Variants in CACNA1C observed in about 807,000 individuals in gnomAD.
The protein encoded by CACNA1C is voltage-dependent L-type calcium channel subunit alpha-1C.
Under a neutral mutation model 229.0 loss-of-function variants are expected in CACNA1C, and 30 were observed. The observed-to-expected ratio is 0.13, with a 90% CI of 0.10 to 0.18. CACNA1C has a LOEUF of 0.18. CACNA1C is among the 10% of genes least tolerant of loss of function. The pLI, the probability that CACNA1C is intolerant of heterozygous loss-of-function variation, is 1.00. For missense variants in CACNA1C, 1,658 were observed against 2,845.0 expected, an observed-to-expected ratio of 0.58 and a Z score of 9.49; for synonymous variants, 1,114 against 1,132.5, an observed-to-expected ratio of 0.98 and a Z score of 0.33.
intron 38 of CACNA1C, among the ~76,000 whole-genome samples, chr12:2,671,932 C>T (rs921938852): frequency 2.0e-5 from 3 of 150,710 alleles, no homozygotes; most frequent in African/African-American, 7.4e-5. Flanking sequence ...ACGCCCCCAC[C>T]CAAGGGTGAG....
chr12:2,318,517 G>C lies in CACNA1C; in HGVS notation c.478-130459G>C, dbSNP rs114885263. 4.4e-3 allele frequency among the ~76,000 whole-genome samples: 670 copies of C among 152,354 alleles called. 7 individuals are homozygous for C. Among genetic ancestry groups the C allele is most frequent in the African/African-American group, 0.014 (583 of 41,592 alleles). On this transcript the variant is annotated intron_variant, in intron 3 of 46. Transcript: ENST00000399655. ...TGCTCAAGAGCTGTCTCTGGGCCTGGTATATGCTACGCCCTGTGCTACGCT... is the reference window on the plus strand; with the variant it reads ...TGCTCAAGAGCTGTCTCTGGGCCTGCTATATGCTACGCCCTGTGCTACGCT...
Position 2,566,417 on chromosome 12 carries a change from T to G in CACNA1C, c.1509-5T>G. ...CCCACCCTTCTCTCCCTGTCCCCTT[T>G]CCAGCCGCTACTGGCGCCGGTGGAA... On this transcript the variant is annotated splice_region_variant and splice_polypyrimidine_tract_variant and intron_variant, in intron 11 of 46. Transcript: ENST00000399655. The surrounding 1 kb of genome is among the most constrained non-coding windows in gnomAD (Gnocchi z 4.0). The G allele has an allele frequency of 6.3e-7, 1 of 1,583,036 alleles. No individual in the cohort carries two copies. Among genetic ancestry groups the G allele is most frequent in the Non-Finnish European group, 8.6e-7 (1 of 1,164,652 alleles).
chr12:2,547,424 G>A, intron 9 of CACNA1C: 1 of 779,408 alleles, frequency 1.3e-6, no homozygotes, highest in Non-Finnish European at 2.4e-6. Context: ...CCTGGTTCTT[G>A]ACACTGACCA....
chr12:2,101,980 G>A lies in CACNA1C; in HGVS notation c.50-13244G>A, dbSNP rs552985845. Among the ~76,000 whole-genome samples, 64 of 152,274 alleles carry A rather than the reference G, an allele frequency of 4.2e-4. No individual in the cohort carries two copies. The South Asian group carries it at 7.9e-3, about 19-fold the overall frequency. ...GGGAAAAAAGCCTTGGGACAGTTAC[G>A]TTTTGAGTCATCCTTTTATTCAACA... On this transcript the variant is annotated intron_variant, in intron 1 of 46. Transcript: ENST00000399655.
At chr12:2,682,729 T>G in intron 43 of CACNA1C, 51 bp downstream of exon 43, 1 of 1,578,920 alleles carries the variant, frequency 6.3e-7, no homozygotes, top group South Asian at 1.1e-5. Context: ...GGAACAAATG[T>G]GGGGAGGCAG....
In CACNA1C at chr12:2,316,872, A is replaced by G. The variant is rs770009342; in HGVS notation, c.478-132104A>G. Among the ~76,000 whole-genome samples, 9 of 152,218 alleles carry G rather than the reference A, an allele frequency of 5.9e-5. 1 individual carries two copies. Among genetic ancestry groups the G allele is most frequent in the Admixed American group, 3.3e-4 (5 of 15,284 alleles). Reference sequence around the variant, plus strand: ...GGACCTCGGGGAGAATGCGGACACTACCGGCTGACTGCTGGTGAGACTTGG... The same window carrying G: ...GGACCTCGGGGAGAATGCGGACACTGCCGGCTGACTGCTGGTGAGACTTGG... On this transcript the variant is annotated intron_variant, in intron 3 of 46. Transcript: ENST00000399655.
At chr12:2,423,130 T>G (rs1247261614) in intron 3 of CACNA1C, among the ~76,000 whole-genome samples, 2 of 152,140 alleles carry the variant, frequency 1.3e-5, no homozygotes, top group Non-Finnish European at 2.9e-5. Context: ...CTTCCAACCC[T>G]AGAATCGTGT....
intron 1 of CACNA1C, among the ~76,000 whole-genome samples, chr12:2,002,690 G>A (rs1481656948): frequency 6.6e-6 from 1 of 152,180 alleles, no homozygotes; most frequent in Admixed American, 6.5e-5. Context: ...CCAGTGTCAA[G>A]TCAACTTACA....
At chr12:2,485,227 G>A (rs184972113) in intron 5 of CACNA1C, among the ~76,000 whole-genome samples, 3 of 152,078 alleles carry the variant, frequency 2.0e-5, no homozygotes, top group Non-Finnish European at 2.9e-5. Flanking sequence ...AGGAGGAGCT[G>A]CCTCCACATT....
At chr12:2,338,713 A>G (rs1249053730) in intron 3 of CACNA1C, among the ~76,000 whole-genome samples, 1 of 152,140 alleles carries the variant, frequency 6.6e-6, no homozygotes, top group East Asian at 1.9e-4. Context: ...CATCCAGGAC[A>G]CAGGGCCCAG....
chr12:2,548,590 T>C (rs959680884), intron 9 of CACNA1C, among the ~76,000 whole-genome samples: 1 of 152,208 alleles, frequency 6.6e-6, no homozygotes, highest in Admixed American at 6.5e-5. Flanking sequence ...TGGATTTTTT[T>C]TAATTCAATT....
At chr12:2,657,468 T>TCAC (rs1345488074) in intron 34 of CACNA1C, among the ~76,000 whole-genome samples, 1 of 151,694 alleles carries the variant, frequency 6.6e-6, no homozygotes, top group Non-Finnish European at 1.5e-5. Flanking sequence ...TAAAGGTCAA[T>TCAC]CACTAAAAAA....
intron 3 of CACNA1C, among the ~76,000 whole-genome samples, chr12:2,413,061 A>G (rs542051804): frequency 1.6e-4 from 24 of 152,238 alleles, no homozygotes; most frequent in Non-Finnish European, 3.4e-4. Flanking sequence ...TCTGTCGCCC[A>G]GGCTGGAGTG....
chr12:2,307,683 TG>T (rs143122649), intron 3 of CACNA1C, among the ~76,000 whole-genome samples: 6,895 of 152,320 alleles, frequency 0.045, 189 homozygotes, highest in Middle Eastern at 0.068. Context: ...TCTGCGCTGC[TG>T]AACCTGGAGC....
intron 3 of CACNA1C, among the ~76,000 whole-genome samples, chr12:2,356,739 C>T (rs1029461079): frequency 5.3e-5 from 8 of 152,220 alleles, no homozygotes; most frequent in African/African-American, 9.6e-5. Context: ...TTCTTCCCTG[C>T]GTCCAGGCAG....
At chr12:2,426,538 T>C (rs370988096) in intron 3 of CACNA1C, among the ~76,000 whole-genome samples, 71 of 151,854 alleles carry the variant, frequency 4.7e-4, no homozygotes, top group African/African-American at 1.5e-3. Flanking sequence ...CCCATGAAAA[T>C]TGTGGTCAGA....
intron 9 of CACNA1C, among the ~76,000 whole-genome samples, chr12:2,515,454 G>A (rs566542393): frequency 1.1e-4 from 17 of 152,250 alleles, no homozygotes; most frequent in African/African-American, 2.6e-4. Context: ...ATCCTGCTAC[G>A]TTTGAAGCAT....
chr12:2,230,620 G>T (rs1432554793), intron 3 of CACNA1C, among the ~76,000 whole-genome samples: 1 of 152,194 alleles, frequency 6.6e-6, no homozygotes, highest in Non-Finnish European at 1.5e-5. Context: ...CTCTTCCCGC[G>T]CCTGATCACT....
At chr12:2,124,109 C>CGTGT (rs36202591) in intron 3 of CACNA1C, among the ~76,000 whole-genome samples, 8,475 of 145,494 alleles carry the variant, frequency 0.058, 336 homozygotes, top group East Asian at 0.15. Context: ...TGGTCTAGCT[C>CGTGT]GTGTGTGTGT....
Sources: allele counts gnomAD v4.1 joint callset (sites outside exome capture counted in the v4.1 genomes callset), GRCh38; gene constraint gnomAD v4.1.1; non-coding constraint Gnocchi (gnomAD v3.1); transcripts MANE v1.5; gene names NCBI Gene and HGNC (gene_info 2026-07-23, HGNC 2026-07-21).